Variants in NKX2-3 observed in about 807,000 individuals in gnomAD.
NKX2-3 encodes the protein homeobox protein Nkx-2.3.
A neutral mutation model predicts 14.2 loss-of-function variants in NKX2-3; 3 were observed. The observed-to-expected ratio is 0.21, with a 90% CI of 0.10 to 0.55. The LOEUF (loss-of-function observed/expected upper bound fraction) is 0.55, where lower values mean the gene tolerates loss of function less well. Among genes scored for constraint, NKX2-3 ranks in the 20% least tolerant of loss-of-function variants. NKX2-3 has a pLI of 0.94. For synonymous variants in NKX2-3, 276 were observed against 234.2 expected, an observed-to-expected ratio of 1.18 and a Z score of -1.63; for missense variants, 511 against 514.5, an observed-to-expected ratio of 0.99 and a Z score of 0.06.
rs2033963348 is a variant in NKX2-3, at chr10:99,535,752, A to G, written c.*31A>G. Reference sequence around the variant, plus strand: ...GGGCGGGTCACGCGGCGGGCACCCCAGCGCAGCCTGGCGCCGCGGGACTGA... The same window carrying G: ...GGGCGGGTCACGCGGCGGGCACCCCGGCGCAGCCTGGCGCCGCGGGACTGA... On this transcript the variant is annotated 3_prime_UTR_variant, in exon 2 of 2. Transcript: ENST00000344586. 2 of 1,519,022 alleles carry G rather than the reference A, an allele frequency of 1.3e-6. No homozygotes were observed. Among genetic ancestry groups the G allele is most frequent in the Admixed American group, 2.1e-5 (1 of 47,730 alleles). The allele number at this position is 1,519,022 out of a possible 1,614,324, so 94.1% of individuals were successfully genotyped here.
chr10:99,535,449 G>T lies in NKX2-3; in HGVS notation c.823G>T (p.Ala275Ser), dbSNP rs2033958628. The change falls in exon 2 of 2, where the codon GCC (alanine) becomes TCC (serine). Residue 275 changes from alanine (A) to serine (S), a missense_variant. Transcript: ENST00000344586. ...CTATGGGAACTCGGCCGCGGCCGCC[G>T]CCGCCGCCGCCGCCGCCGCCGCAGC... is the stretch of plus-strand genomic sequence containing the variant. ...YGYGNSAAAA[A>S]AAAAAAAAAA... 4 of 1,256,596 alleles carry T rather than the reference G, an allele frequency of 3.2e-6. No homozygotes were observed. 77.8% of individuals were successfully genotyped at this position (1,256,596 alleles called of 1,614,324 possible). A position where few individuals can be genotyped will look rare whatever the true frequency, so the allele number is the denominator to read the frequency against.
chr10:99,535,802 G>A lies in NKX2-3; in HGVS notation c.*81G>A, dbSNP rs1009742048. 1.4e-6 allele frequency: 2 copies of A among 1,418,936 alleles called. No homozygotes were observed. The highest frequency in any genetic ancestry group is 1.9e-6 in the Non-Finnish European group (2 of 1,079,432). The allele number at this position is 1,418,936 out of a possible 1,614,324, so 87.9% of individuals were successfully genotyped here. A position where few individuals can be genotyped will look rare whatever the true frequency, so the allele number is the denominator to read the frequency against. ...AAGCTCGAGAAGGGCCTGACCTAAA[G>A]GTCAGGTCCCCTCGTTAAAAAAATA... On this transcript the variant is annotated 3_prime_UTR_variant, in exon 2 of 2. Coordinates refer to ENST00000344586, the MANE Select transcript of NKX2-3 (RefSeq NM_145285.3).
Position 99,535,782 on chromosome 10 carries a change from C to G in NKX2-3, c.*61C>G. ...AGCCTGGCGCCGCGGGACTGAAGCT[C>G]GAGAAGGGCCTGACCTAAAGGTCAG... On this transcript the variant is annotated 3_prime_UTR_variant, in exon 2 of 2. Transcript: ENST00000344586. 6.7e-7 allele frequency: 1 copy of G among 1,492,348 alleles called. No homozygotes were observed. The highest frequency in any genetic ancestry group is 8.9e-7 in the Non-Finnish European group (1 of 1,127,364). 92.4% of individuals were successfully genotyped at this position (1,492,348 alleles called of 1,614,324 possible). A position where few individuals can be genotyped will look rare whatever the true frequency, so the allele number is the denominator to read the frequency against.
At position 99,534,898 on chromosome 10, in the gene NKX2-3, C is replaced by A. The variant is rs552719082; in HGVS notation, c.359-87C>A. On this transcript the variant is annotated intron_variant, in intron 1 of 1. Transcript: ENST00000344586. ...ATTTACTACCGCACGCTCTGCGCAG[C>A]CACCAAAAAGGGTCACGGTGCTCCA... 26 of 1,467,924 alleles carry A rather than the reference C, an allele frequency of 1.8e-5. No individual in the cohort carries two copies. The East Asian group carries it at 5.5e-4, about 31-fold the overall frequency. 90.9% of individuals were successfully genotyped at this position (1,467,924 alleles called of 1,614,324 possible). A position where few individuals can be genotyped will look rare whatever the true frequency, so the allele number is the denominator to read the frequency against.
chr10:99,533,753 T>C (rs1057480074), intron 1 of NKX2-3, among the ~76,000 whole-genome samples: 1 of 152,228 alleles, frequency 6.6e-6, no homozygotes, highest in Non-Finnish European at 1.5e-5. Context: ...ACTGCTGCCC[T>C]GATGCTGAGA....
Position 99,535,912 on chromosome 10 carries a change from T to C in NKX2-3, c.*191T>C, listed in dbSNP as rs2033966121. 4.5e-6 allele frequency: 3 copies of C among 666,896 alleles called. No homozygotes were observed. Among genetic ancestry groups the C allele is most frequent in the East Asian group, 3.3e-5 (1 of 30,058 alleles). The allele number at this position is 666,896 out of a possible 1,614,324, so 41.3% of individuals were successfully genotyped here. ...CTCAGGGGCGAGGAGGATGACTGGG[T>C]CCGGTCGCCAGGACTGTCTCTGAGG... On this transcript the variant is annotated 3_prime_UTR_variant, in exon 2 of 2. Transcript: ENST00000344586.
At position 99,533,096 on chromosome 10, in the gene NKX2-3, G is replaced by C. The variant is rs182105542; in HGVS notation, c.-36G>C. On this transcript the variant is annotated 5_prime_UTR_variant, in exon 1 of 2. Transcript: ENST00000344586. ...CGCGCTGCCTCCCCGCCCCCGCCGG[G>C]ATTTATTATTTGGACTGGACAATTA... 2.1e-6 allele frequency: 3 copies of C among 1,455,642 alleles called. No individual in the cohort carries two copies. The Admixed American group carries it at 6.6e-5, about 32-fold the overall frequency. The allele number at this position is 1,455,642 out of a possible 1,614,324, so 90.2% of individuals were successfully genotyped here.
intron 1 of NKX2-3, among the ~76,000 whole-genome samples, chr10:99,533,705 C>A (rs2033936151): frequency 6.6e-6 from 1 of 152,200 alleles, no homozygotes; most frequent in African/African-American, 2.4e-5. Context: ...GACAACTACT[C>A]CCCCCAAAAG....
At position 99,535,424 on chromosome 10, in the gene NKX2-3, C is replaced by T. The variant is rs1488017411; in HGVS notation, c.798C>T (p.Gly266=). The T allele has an allele frequency of 1.4e-6, 2 of 1,398,854 alleles. No homozygotes were observed. The highest frequency in any genetic ancestry group is 9.3e-7 in the Non-Finnish European group (1 of 1,076,574). The allele number at this position is 1,398,854 out of a possible 1,614,324, so 86.7% of individuals were successfully genotyped here. Residue 266 remains glycine, a synonymous_variant, in exon 2 of 2, where the codon GGC becomes GGT. Transcript: ENST00000344586. The part of the protein sequence containing the change: ...AYSYNSFPAY[G]YGNSAAAAAA... ...CCTACAACAGCTTCCCCGCCTACGG[C>T]TATGGGAACTCGGCCGCGGCCGCCG... is the stretch of plus-strand genomic sequence containing the variant.
At position 99,535,062 on chromosome 10, in the gene NKX2-3, C is replaced by T; in HGVS notation, c.436C>T (p.Arg146Cys). 4 of 1,605,924 alleles carry T rather than the reference C, an allele frequency of 2.5e-6. No homozygotes were observed. Among genetic ancestry groups the T allele is most frequent in the Non-Finnish European group, 3.4e-6 (4 of 1,176,708 alleles). Residue 146 changes from arginine (R) to cysteine (C), a missense_variant, in exon 2 of 2, where the codon CGC becomes TGC. Physicochemically the swap from Arg to Cys is radical, Grantham distance 180. This residue lies in a region of NKX2-3 where 243 missense variants were observed against 242.3 expected (regional missense o/e 1.00). Coordinates refer to ENST00000344586, the MANE Select transcript of NKX2-3 (RefSeq NM_145285.3). ...GGAGGAGAGCGAGAGGCCGAAGCCA[C>T]GCAGCCGCCGGAAGCCCCGGGTCCT... ...AAEESERPKPRSRRKPRVLFS... is the reference protein window; with the variant it reads ...AAEESERPKPCSRRKPRVLFS...
Position 99,533,041 on chromosome 10 carries a change from G to A in NKX2-3, c.-91G>A, listed in dbSNP as rs1041966557. 1 of 875,236 alleles carries A rather than the reference G, an allele frequency of 1.1e-6. No individual in the cohort carries two copies. Among genetic ancestry groups the A allele is most frequent in the African/African-American group, 1.7e-5 (1 of 59,746 alleles). The allele number at this position is 875,236 out of a possible 1,614,324, so 54.2% of individuals were successfully genotyped here. ...GTCAAAAGCCCGACTCGGCAGCAGCGGCGGAGTCCAGGAGGAGAGCTGGAG... is the reference window on the plus strand; with the variant it reads ...GTCAAAAGCCCGACTCGGCAGCAGCAGCGGAGTCCAGGAGGAGAGCTGGAG... On this transcript the variant is annotated 5_prime_UTR_variant, in exon 1 of 2. Transcript: ENST00000344586.
chr10:99,533,533 A>C, intron 1 of NKX2-3, 44 bp downstream of exon 1: 2 of 1,404,314 alleles, frequency 1.4e-6, no homozygotes, highest in South Asian at 2.6e-5. Flanking sequence ...ACCTGGAGCA[A>C]TGGCAGAGCG....
Position 99,532,967 on chromosome 10 carries a change from C to T in NKX2-3, c.-165C>T. The T allele has an allele frequency of 5.0e-6, 3 of 603,242 alleles. No homozygotes were observed. Among genetic ancestry groups the T allele is most frequent in the Non-Finnish European group, 8.9e-6 (3 of 336,468 alleles). The allele number at this position is 603,242 out of a possible 1,614,324, so 37.4% of individuals were successfully genotyped here. Reference sequence around the variant, plus strand: ...AGTGGCTGTAACAAAACCCAGACCCCCAGGTCCCGGCCAATGGAGGCGATT... The same window carrying T: ...AGTGGCTGTAACAAAACCCAGACCCTCAGGTCCCGGCCAATGGAGGCGATT... On this transcript the variant is annotated 5_prime_UTR_variant, in exon 1 of 2. Transcript: ENST00000344586.
Position 99,535,523 on chromosome 10 carries a change from CGG to C in NKX2-3, c.898_899del (p.Gly300ArgfsTer84), listed in dbSNP as rs1346042334. 9.2e-6 allele frequency: 11 copies of C among 1,189,636 alleles called. No homozygotes were observed. In the East Asian group the frequency reaches 4.7e-4, roughly 51 times the overall value. 73.7% of individuals were successfully genotyped at this position (1,189,636 alleles called of 1,614,324 possible). ...ATGGCTGTGCGTACCCGGCGGGCGG[CGG>C]CGGCGGCGGCGGCGGGACCTCCGCG... ...SYGCAYPAGG[G>X]GGGGGTSAAT... On this transcript the variant is annotated frameshift_variant, in exon 2 of 2. Transcript: ENST00000344586. LOFTEE classifies it high-confidence loss of function.
In NKX2-3 at chr10:99,536,381, G is replaced by GT. The variant is rs1171809927; in HGVS notation, c.*662dup. 1 of 153,048 alleles carries GT rather than the reference G, an allele frequency of 6.5e-6. No homozygotes were observed. The highest frequency in any genetic ancestry group is 2.4e-5 in the African/African-American group (1 of 41,464). The allele number at this position is 153,048 out of a possible 1,614,324, so 9.5% of individuals were successfully genotyped here. A position where few individuals can be genotyped will look rare whatever the true frequency, so the allele number is the denominator to read the frequency against. On this transcript the variant is annotated 3_prime_UTR_variant, in exon 2 of 2. Coordinates refer to ENST00000344586, the MANE Select transcript of NKX2-3 (RefSeq NM_145285.3). ...CAGGACCTGGTGGCCCACCGGAGGT[G>GT]TTACCGGGTTTCCTTTCTGTTTCGT...
Position 99,535,043 on chromosome 10 carries a change from G to A in NKX2-3, c.417G>A (p.Glu139=). 6.2e-7 allele frequency: 1 copy of A among 1,606,942 alleles called. No individual in the cohort carries two copies. The highest frequency in any genetic ancestry group is 1.1e-5 in the South Asian group (1 of 90,028). Residue 139 remains glutamate, a synonymous_variant, in exon 2 of 2, where the codon GAG becomes GAA. Coordinates refer to ENST00000344586, the MANE Select transcript of NKX2-3 (RefSeq NM_145285.3). ...CCGGAGACTGCAAGGCGGCGGAGGAGAGCGAGAGGCCGAAGCCACGCAGCC... is the reference window on the plus strand; with the variant it reads ...CCGGAGACTGCAAGGCGGCGGAGGAAAGCGAGAGGCCGAAGCCACGCAGCC... ...ETAGDCKAAE[E]SERPKPRSRR... is the part of the protein sequence containing the mutation.
Position 99,535,274 on chromosome 10 carries a change from ACACGCGCCCCC to A in NKX2-3, c.649_659del (p.His217AlafsTer164), listed in dbSNP as rs1442901433. Reference sequence around the variant, plus strand: ...AGGACAAGTCTCTGGAGCTTGGCGCACACGCGCCCCCGCCGCCGCCGCGCCGCGTGGCTGTC... The same window carrying A: ...AGGACAAGTCTCTGGAGCTTGGCGCAGCCGCCGCCGCGCCGCGTGGCTGTC... On this transcript the variant is annotated frameshift_variant, in exon 2 of 2. Coordinates refer to ENST00000344586, the MANE Select transcript of NKX2-3 (RefSeq NM_145285.3). LOFTEE classifies it low-confidence loss of function (END_TRUNC). 6.3e-7 allele frequency: 1 copy of A among 1,598,218 alleles called. No individual in the cohort carries two copies. The highest frequency in any genetic ancestry group is 1.7e-5 in the Admixed American group (1 of 57,842).
rs376888249 is a variant in NKX2-3 at position 99,533,207 on chromosome 10, C to T, written c.76C>T (p.His26Tyr). 1 of 1,604,686 alleles carries T rather than the reference C, an allele frequency of 6.2e-7. No homozygotes were observed. The highest frequency in any genetic ancestry group is 8.5e-7 in the Non-Finnish European group (1 of 1,173,056). The change falls in exon 1 of 2, where the codon CAC becomes TAC. Residue 26 changes from histidine (H) to tyrosine (Y), a missense_variant. By Grantham distance (83) the His-to-Tyr change is moderately conservative (BLOSUM62 2). Transcript: ENST00000344586. Reference sequence around the variant, plus strand: ...TTTGAATCTGGAGCAGCAGCACCAGCACTTCCATGGTGCGCACTTGCAGGC... The same window carrying T: ...TTTGAATCTGGAGCAGCAGCACCAGTACTTCCATGGTGCGCACTTGCAGGC... ...DILNLEQQHQ[H>Y]FHGAHLQADL...
chr10:99,534,887 G>C, intron 1 of NKX2-3, 98 bp from the exon 2 acceptor site: 1 of 1,419,780 alleles, frequency 7.0e-7, no homozygotes, highest in Non-Finnish European at 9.4e-7. Flanking sequence ...ACTACCGCAC[G>C]CTCTGCGCAG....
Sources: gnomAD v4.1 joint callset for allele counts (sites outside exome capture counted in the v4.1 genomes callset) on GRCh38, gnomAD v4.1.1 for gene constraint, gnomAD v4.1.1 regional missense constraint, MANE v1.5 for transcripts, NCBI Gene and HGNC (gene_info 2026-07-23, HGNC 2026-07-21) for gene names.